The following MASTL variants were observed in gnomAD, a reference collection of about 807,000 sequenced individuals.
MASTL encodes the protein serine/threonine-protein kinase greatwall.
Under a neutral mutation model 82.5 loss-of-function variants are expected in MASTL, and 54 were observed. The observed-to-expected ratio is 0.65, with a 90% CI of 0.53 to 0.82. MASTL has a LOEUF of 0.82. MASTL is among the 40% of genes least tolerant of loss of function. MASTL has a pLI of 0.00. For synonymous variants in MASTL, 323 were observed against 368.9 expected, an observed-to-expected ratio of 0.88 and a Z score of 1.43; for missense variants, 950 against 1,047.8, an observed-to-expected ratio of 0.91 and a Z score of 1.29.
chr10:27,163,044 G>A (rs768941406), intron 4 of MASTL, among the ~76,000 whole-genome samples: 8 of 152,090 alleles, frequency 5.3e-5, no homozygotes, highest in Non-Finnish European at 1.2e-4. Context: ...AGCCTTCTGA[G>A]TAGCTGGGAT....
rs543597196 is a variant in MASTL at position 27,172,798 on chromosome 10, C to T, written c.2125-320C>T. 2.0e-5 allele frequency among the ~76,000 whole-genome samples: 3 copies of T among 152,172 alleles called. No homozygotes were observed. In the South Asian group the frequency reaches 6.2e-4, roughly 32 times the overall value. On this transcript the variant is annotated intron_variant, in intron 8 of 11. Coordinates refer to ENST00000375940, the MANE Select transcript of MASTL (RefSeq NM_001172303.3). ...GCCTTCCTCAGTGGCTCTTCTTAAG[C>T]TTGTATTAGTCCATGCTATCAGTCT...
intron 7 of MASTL, among the ~76,000 whole-genome samples, chr10:27,168,541 G>A (rs1319842054): frequency 6.6e-6 from 1 of 152,148 alleles, no homozygotes; most frequent in Admixed American, 6.5e-5. Context: ...TTTAGGCCAG[G>A]CGCGGTGGCT....
intron 5 of MASTL, 68 bp from the exon 6 acceptor site, chr10:27,165,321 A>C: frequency 6.6e-7 from 1 of 1,514,578 alleles, no homozygotes; most frequent in Non-Finnish European, 9.2e-7. Flanking sequence ...GTGGTATAAC[A>C]GTCTATGTAC....
intron 1 of MASTL, among the ~76,000 whole-genome samples, chr10:27,157,799 T>C (rs2057442835): frequency 6.6e-6 from 1 of 152,126 alleles, no homozygotes. Flanking sequence ...TTAAGATTTT[T>C]TTTTTCTAGG....
In MASTL at chr10:27,183,013, CT is replaced by C. The variant is rs957017072; in HGVS notation, c.2482+1439del. On this transcript the variant is annotated intron_variant, in intron 11 of 11. Transcript: ENST00000375940. ...ATAAAGTTAAGGAAATACAGGAAAT[CT>C]TTTTTTATGAAACCCTCTGTTCTGT... Among the ~76,000 whole-genome samples the C allele has an allele frequency of 2.7e-4, 41 of 152,038 alleles. 1 individual carries two copies. The highest frequency in any genetic ancestry group is 7.7e-4 in the East Asian group (4 of 5,174).
At chr10:27,157,101 C>T (rs1230216547) in intron 1 of MASTL, among the ~76,000 whole-genome samples, 4 of 152,116 alleles carry the variant, frequency 2.6e-5, no homozygotes, top group Non-Finnish European at 5.9e-5. Flanking sequence ...CCGTGCCTGG[C>T]CTTATGCTGG....
At chr10:27,165,306 C>T in intron 5 of MASTL, 83 bp from the exon 6 acceptor site, 3 of 1,455,980 alleles carry the variant, frequency 2.1e-6, no homozygotes, top group Non-Finnish European at 2.9e-6. Context: ...AGTTTGTCTA[C>T]TTAGGTGGTA....
In MASTL at chr10:27,166,395, TAGC is replaced by T. The variant is rs2057743238; in HGVS notation, c.812-705_812-703del. ...TAAATGTAGTCATATTCTAACCTTATAGCACGTCTGGATATACCACATCAATAA... is the reference window on the plus strand; with the variant it reads ...TAAATGTAGTCATATTCTAACCTTATACGTCTGGATATACCACATCAATAA... On this transcript the variant is annotated intron_variant, in intron 6 of 11. Transcript: ENST00000375940. Among the ~76,000 whole-genome samples the T allele has an allele frequency of 1.3e-4, 20 of 152,326 alleles. No individual in the cohort carries two copies. The South Asian group carries it at 3.9e-3, about 30-fold the overall frequency.
chr10:27,177,099 A>G (rs2058125711), intron 9 of MASTL, among the ~76,000 whole-genome samples: 1 of 152,014 alleles, frequency 6.6e-6, no homozygotes. Context: ...CAAAGTGTTC[A>G]GCCTCCCAAA....
At chr10:27,177,812 TC>T in intron 9 of MASTL, 4 of 972,644 alleles carry the variant, frequency 4.1e-6, no homozygotes, top group Non-Finnish European at 4.9e-6. Context: ...ATTTCTGACT[TC>T]CGGTGAGTGA....
intron 1 of MASTL, among the ~76,000 whole-genome samples, chr10:27,158,105 G>A (rs551366480): frequency 2.2e-4 from 33 of 151,988 alleles, no homozygotes; most frequent in African/African-American, 7.7e-4. Context: ...TTTTTAAACC[G>A]TCTTAACTAT....
chr10:27,176,780 GTTTAT>G (rs761264531), intron 9 of MASTL, among the ~76,000 whole-genome samples: 5 of 150,884 alleles, frequency 3.3e-5, no homozygotes, highest in Admixed American at 6.6e-5. Context: ...GTAACTAATT[GTTTAT>G]TTATCTCCAC....
Position 27,159,755 on chromosome 10 carries a change from A to G in MASTL, c.461A>G (p.His154Arg). 1 of 1,611,290 alleles carries G rather than the reference A, an allele frequency of 6.2e-7. No individual in the cohort carries two copies. The highest frequency in any genetic ancestry group is 8.5e-7 in the Non-Finnish European group (1 of 1,177,862). The change falls in exon 3 of 12, where the codon CAC becomes CGC. Residue 154 changes from histidine to arginine, a missense_variant. Coordinates refer to ENST00000375940, the MANE Select transcript of MASTL (RefSeq NM_001172303.3). The surrounding 1 kb of genome is among the most constrained non-coding windows in gnomAD (Gnocchi z 4.0). ...LDYLHRHGII[H>R]RDLKPDNMLI... is the part of the protein sequence containing the mutation. Reference sequence around the variant, plus strand: ...TACCTTCACAGACATGGAATCATCCACAGGTAAAGACTGACTTCTCCAAAT... The same window carrying G: ...TACCTTCACAGACATGGAATCATCCGCAGGTAAAGACTGACTTCTCCAAAT...
At chr10:27,176,825 G>T (rs1486197941) in intron 9 of MASTL, among the ~76,000 whole-genome samples, 1 of 150,118 alleles carries the variant, frequency 6.7e-6, no homozygotes, top group Non-Finnish European at 1.5e-5. Context: ...TTTTTGAGGA[G>T]ACTGTGAGTT....
chr10:27,160,531 A>G (rs2057535023), intron 3 of MASTL, among the ~76,000 whole-genome samples: 1 of 151,858 alleles, frequency 6.6e-6, no homozygotes, highest in Admixed American at 6.6e-5. Context: ...CGGGCGGATC[A>G]CCTGAGGTCG....
At chr10:27,177,547 A>T (rs1365566564) in intron 9 of MASTL, among the ~76,000 whole-genome samples, 2 of 152,184 alleles carry the variant, frequency 1.3e-5, no homozygotes, top group Non-Finnish European at 2.9e-5. Context: ...CTCAGCCGAG[A>T]TGAGCCAGGG....
At chr10:27,182,649 A>C (rs1000057271) in intron 11 of MASTL, among the ~76,000 whole-genome samples, 10 of 152,128 alleles carry the variant, frequency 6.6e-5, no homozygotes, top group Non-Finnish European at 1.0e-4. Flanking sequence ...GGGCTTAGGC[A>C]GGAAGATTAC....
intron 1 of MASTL, among the ~76,000 whole-genome samples, chr10:27,156,029 G>A (rs552685165): frequency 3.9e-4 from 59 of 152,226 alleles, no homozygotes; most frequent in African/African-American, 1.3e-3. Context: ...TTTTGAGGCG[G>A]AGTCTTGCTC....
intron 6 of MASTL, among the ~76,000 whole-genome samples, chr10:27,166,266 T>A (rs2057737924): frequency 6.6e-6 from 1 of 152,202 alleles, no homozygotes; most frequent in Non-Finnish European, 1.5e-5. Flanking sequence ...TAAAAATCCC[T>A]TGTAAGTGTG....
Sources: gnomAD v4.1 joint callset for allele counts (sites outside exome capture counted in the v4.1 genomes callset) on GRCh38, gnomAD v4.1.1 for gene constraint, Gnocchi (gnomAD v3.1) non-coding constraint, MANE v1.5 for transcripts, NCBI Gene and HGNC (gene_info 2026-07-23, HGNC 2026-07-21) for gene names.